Variants in EP300 observed in about 807,000 individuals in gnomAD.
The protein encoded by EP300 is histone acetyltransferase p300.
A neutral mutation model predicts 264.0 loss-of-function variants in EP300; 31 were observed. The ratio of observed to expected loss-of-function variants is 0.12; its 90% confidence interval spans 0.09 to 0.16. The LOEUF is 0.16. Ranked by LOEUF, EP300 falls within the 10% of genes least tolerant of loss-of-function variation. EP300 has a pLI of 1.00. For missense variants in EP300, 2,766 were observed against 3,052.9 expected, an observed-to-expected ratio of 0.91 and a Z score of 2.21; for synonymous variants, 1,340 against 1,045.4, an observed-to-expected ratio of 1.28 and a Z score of -5.44.
intron 1 of EP300, among the ~76,000 whole-genome samples, chr22:41,107,708 T>TTTAG (rs2058765450): frequency 6.6e-6 from 1 of 152,132 alleles, no homozygotes; most frequent in African/African-American, 2.4e-5. Flanking sequence ...GAGATTATTT[T>TTTAG]TTATTTATTT....
intron 27 of EP300, among the ~76,000 whole-genome samples, chr22:41,171,137 T>C (rs1035438243): frequency 2.6e-5 from 4 of 151,758 alleles, no homozygotes; most frequent in Non-Finnish European, 4.4e-5. Context: ...GTAACCAAAA[T>C]TTTATTTTAT....
At chr22:41,161,434 G>A (rs904642353) in intron 20 of EP300, among the ~76,000 whole-genome samples, 6 of 152,066 alleles carry the variant, frequency 3.9e-5, no homozygotes, top group Admixed American at 1.3e-4. Context: ...TGGCTAACAC[G>A]GTGAAGCCCT....
chr22:41,166,449 C>A, intron 22 of EP300, 150 bp from the exon 23 acceptor site: 1 of 622,582 alleles, frequency 1.6e-6, no homozygotes. Flanking sequence ...TTACTGATTT[C>A]TAAAAGCTCT....
rs2058972564 is a variant in EP300 at position 41,140,003 on chromosome 22, A to G, written c.1761-137A>G. 10 of 683,714 alleles carry G rather than the reference A, an allele frequency of 1.5e-5. 1 individual carries two copies. The highest frequency in any genetic ancestry group is 7.8e-6 in the Non-Finnish European group (3 of 384,330). The allele number at this position is 683,714 out of a possible 1,614,324, so 42.4% of individuals were successfully genotyped here. On this transcript the variant is annotated intron_variant, in intron 8 of 30. Coordinates refer to ENST00000263253, the MANE Select transcript of EP300 (RefSeq NM_001429.4). ...ATTCTTTTGTTTATCACAAAAAGAT[A>G]ATTTCATTTCAGTAAGTAATATATA... is the stretch of plus-strand genomic sequence containing the variant.
At chr22:41,144,361 T>C (rs1221234947) in intron 10 of EP300, among the ~76,000 whole-genome samples, 1 of 152,144 alleles carries the variant, frequency 6.6e-6, no homozygotes, top group South Asian at 2.1e-4. Context: ...AATATTTATA[T>C]ATATACATTT....
intron 1 of EP300, among the ~76,000 whole-genome samples, chr22:41,095,150 T>C (rs966707252): frequency 1.3e-5 from 2 of 151,814 alleles, no homozygotes; most frequent in Non-Finnish European, 2.9e-5. Context: ...TTGTAACCAG[T>C]CTGGGTTTGG....
chr22:41,176,623 T>G, intron 30 of EP300, 95 bp downstream of exon 30: 1 of 1,607,388 alleles, frequency 6.2e-7, no homozygotes, highest in Non-Finnish European at 8.5e-7. Context: ...TGTGGGATGC[T>G]AGGGGCTTGG....
intron 2 of EP300, among the ~76,000 whole-genome samples, chr22:41,119,551 T>A (rs985392906): frequency 6.6e-6 from 1 of 152,142 alleles, no homozygotes; most frequent in African/African-American, 2.4e-5. Context: ...GTGAATGAAC[T>A]TATTTTATGT....
At chr22:41,133,460 T>G (rs2058932355) in intron 6 of EP300, among the ~76,000 whole-genome samples, 1 of 152,182 alleles carries the variant, frequency 6.6e-6, no homozygotes, top group South Asian at 2.1e-4. Flanking sequence ...CCTCTAAGAT[T>G]ATTTTTTAAT....
At chr22:41,156,009 T>A (rs1053266181) in intron 17 of EP300, among the ~76,000 whole-genome samples, 1 of 152,052 alleles carries the variant, frequency 6.6e-6, no homozygotes, top group Non-Finnish European at 1.5e-5. Context: ...TTGTTGTTGT[T>A]ATTTGTTTTT....
intron 4 of EP300, among the ~76,000 whole-genome samples, chr22:41,128,468 AAAC>A (rs1262386922): frequency 6.6e-6 from 1 of 152,176 alleles, no homozygotes. Flanking sequence ...TTCAAAAAAA[AAAC>A]AGTGTACATA....
chr22:41,112,166 G>A (rs1422742482), intron 1 of EP300, among the ~76,000 whole-genome samples: 1 of 151,600 alleles, frequency 6.6e-6, no homozygotes, highest in Non-Finnish European at 1.5e-5. Flanking sequence ...GGGATTACAA[G>A]CGTGAGCCAC....
At chr22:41,135,108 G>T (rs1854236844) in intron 6 of EP300, among the ~76,000 whole-genome samples, 1 of 151,720 alleles carries the variant, frequency 6.6e-6, no homozygotes, top group African/African-American at 2.4e-5. Flanking sequence ...CACCACATTG[G>T]CCAGGCTGGT....
intron 12 of EP300, chr22:41,148,692 A>G (rs951021874): frequency 2.8e-6 from 1 of 356,650 alleles, no homozygotes; most frequent in Admixed American, 4.4e-5. Context: ...ACATGACCTC[A>G]TGAAATTGTG....
intron 1 of EP300, among the ~76,000 whole-genome samples, chr22:41,108,895 C>G (rs1381332609): frequency 1.3e-5 from 2 of 152,124 alleles, no homozygotes; most frequent in African/African-American, 4.8e-5. Context: ...ATGGAACAAA[C>G]TTCAGATTTA....
chr22:41,180,052 G>A lies in EP300; in HGVS notation c.*1096G>A, dbSNP rs2059234980. 1 of 229,578 alleles carries A rather than the reference G, an allele frequency of 4.4e-6. No individual in the cohort carries two copies. Among genetic ancestry groups the A allele is most frequent in the Non-Finnish European group, 8.7e-6 (1 of 115,596 alleles). 14.2% of individuals were successfully genotyped at this position (229,578 alleles called of 1,614,324 possible). A position where few individuals can be genotyped will look rare whatever the true frequency, so the allele number is the denominator to read the frequency against. On this transcript the variant is annotated 3_prime_UTR_variant, in exon 31 of 31. Transcript: ENST00000263253. ...TAAATTTGATTTCTTATTACCTATT[G>A]TTAAATAAACTGTGTGAGACAGACA...
rs1298922944 is a variant in EP300, at chr22:41,129,966, C to G, written c.1245C>G (p.Leu415=). 1 of 1,613,824 alleles carries G rather than the reference C, an allele frequency of 6.2e-7. No individual in the cohort carries two copies. Among genetic ancestry groups the G allele is most frequent in the Admixed American group, 1.7e-5 (1 of 60,004 alleles). ...NCTRHDCPVC[L]PLKNAGDKRN... is the part of the protein sequence containing the mutation. ...CAAGACATGATTGTCCTGTGTGTCT[C>G]CCCCTCAAAAATGCTGGTGATAAGA... The change falls in exon 5 of 31, where the codon CTC becomes CTG. Residue 415 remains leucine (L), a synonymous_variant. Coordinates refer to ENST00000263253, the MANE Select transcript of EP300 (RefSeq NM_001429.4).
chr22:41,142,713 A>G (rs1172933253), intron 10 of EP300, among the ~76,000 whole-genome samples: 1 of 152,104 alleles, frequency 6.6e-6, no homozygotes, highest in Non-Finnish European at 1.5e-5. Flanking sequence ...GTGAAACCCC[A>G]TCTCTACTAA....
chr22:41,178,401 C>G lies in EP300; in HGVS notation c.6690C>G (p.His2230Gln). The change falls in exon 31 of 31, where the codon CAC becomes CAG. Residue 2230 changes from histidine to glutamine, a missense_variant. By Grantham distance (24) the His-to-Gln change is conservative. Coordinates refer to ENST00000263253, the MANE Select transcript of EP300 (RefSeq NM_001429.4). ...PPQQQQRMQH[H>Q]MQQMQQGNMG... ...AGCAGCAGCAGCGGATGCAGCATCACATGCAACAGATGCAACAAGGAAATA... is the reference window on the plus strand; with the variant it reads ...AGCAGCAGCAGCGGATGCAGCATCAGATGCAACAGATGCAACAAGGAAATA... The G allele has an allele frequency of 6.2e-7, 1 of 1,614,184 alleles. No homozygotes were observed. The highest frequency in any genetic ancestry group is 8.5e-7 in the Non-Finnish European group (1 of 1,180,032).
Sources: gnomAD v4.1 joint callset for allele counts (sites outside exome capture counted in the v4.1 genomes callset) on GRCh38, gnomAD v4.1.1 for gene constraint, MANE v1.5 for transcripts, NCBI Gene and HGNC (gene_info 2026-07-23, HGNC 2026-07-21) for gene names.